The following CEMIP variants were observed in gnomAD, a reference collection of about 807,000 sequenced individuals.
CEMIP encodes the protein cell migration inducing hyaluronidase 1, also known as cell migration-inducing and hyaluronan-binding protein.
Under a neutral mutation model 156.9 loss-of-function variants are expected in CEMIP, and 105 were observed. That is an observed-to-expected ratio of 0.67 (90% CI 0.57 to 0.79). The LOEUF is 0.79. Ranked by LOEUF, CEMIP falls within the 30% of genes least tolerant of loss-of-function variation. The pLI is 0.00. For synonymous variants in CEMIP, 676 were observed against 668.4 expected (o/e 1.01, Z -0.17); for missense variants, 1,457 against 1,769.4 (o/e 0.82, Z 3.17).
intron 1 of CEMIP, among the ~76,000 whole-genome samples, chr15:80,829,059 T>C (rs1348831529): frequency 6.6e-6 from 1 of 152,210 alleles, no homozygotes; most frequent in African/African-American, 2.4e-5. Flanking sequence ...GGAGGCCACA[T>C]TTTGTGATCC....
At chr15:80,886,971 C>T (rs947636243) in intron 7 of CEMIP, among the ~76,000 whole-genome samples, 4 of 152,196 alleles carry the variant, frequency 2.6e-5, no homozygotes, top group Non-Finnish European at 1.5e-5. Flanking sequence ...TTCACAAATT[C>T]CTTGAGCTTG....
intron 1 of CEMIP, among the ~76,000 whole-genome samples, chr15:80,835,233 AT>A (rs999708901): frequency 1.3e-5 from 2 of 152,102 alleles, no homozygotes; most frequent in African/African-American, 4.8e-5. Context: ...TTTTGGCCCT[AT>A]GAAGCTACTC....
rs75348720 is a variant in CEMIP, at chr15:80,863,586, A to G, written c.-175-9952A>G. Among the ~76,000 whole-genome samples, 425 of 152,318 alleles carry G rather than the reference A, an allele frequency of 2.8e-3. 4 individuals carry two copies. Among genetic ancestry groups the G allele is most frequent in the African/African-American group, 9.7e-3 (404 of 41,570 alleles). ...AATTTAGGGCCAGGGAGAACCCTCT[A>G]GGGGAGGTAGAAATTATTTTATTTT... On this transcript the variant is annotated intron_variant, in intron 1 of 29. Coordinates refer to ENST00000394685, the MANE Select transcript of CEMIP (RefSeq NM_001293298.2).
chr15:80,932,118 T>C lies in CEMIP; in HGVS notation c.2793+79T>C, dbSNP rs1299476083. On this transcript the variant is annotated intron_variant, in intron 22 of 29. Coordinates refer to ENST00000394685, the MANE Select transcript of CEMIP (RefSeq NM_001293298.2). This position sits in a 1 kb window ranked among gnomAD's most constrained non-coding sequence, Gnocchi z 4.5. ...TCACAAGTCCCCTGGGTCCCAGAGT[T>C]TGAGCTATTGCCACCACCGCAGGGG... The C allele has an allele frequency of 3.9e-6, 6 of 1,525,920 alleles. No individual in the cohort carries two copies. Among genetic ancestry groups the C allele is most frequent in the Non-Finnish European group, 5.4e-6 (6 of 1,113,176 alleles). 94.5% of individuals were successfully genotyped at this position (1,525,920 alleles called of 1,614,324 possible). A position where few individuals can be genotyped will look rare whatever the true frequency, so the allele number is the denominator to read the frequency against.
intron 14 of CEMIP, among the ~76,000 whole-genome samples, chr15:80,918,299 AGACTT>A (rs1900349538): frequency 6.6e-6 from 1 of 152,118 alleles, no homozygotes. Flanking sequence ...GAAAAAAAAA[AGACTT>A]GAAGGAACTG....
chr15:80,857,407 G>A (rs1365290004), intron 1 of CEMIP, among the ~76,000 whole-genome samples: 1 of 152,176 alleles, frequency 6.6e-6, no homozygotes, highest in African/African-American at 2.4e-5. Flanking sequence ...AGCTCTTTGA[G>A]GAAATTTCAT....
intron 7 of CEMIP, among the ~76,000 whole-genome samples, chr15:80,886,672 A>C (rs998937269): frequency 1.3e-5 from 2 of 152,234 alleles, no homozygotes; most frequent in African/African-American, 4.8e-5. Context: ...TTTAAACGAC[A>C]TGGGAGCCTT....
chr15:80,948,624 T>G, intron 29 of CEMIP, 173 bp from the exon 30 acceptor site: 1 of 847,110 alleles, frequency 1.2e-6, no homozygotes, highest in Non-Finnish European at 1.9e-6. Flanking sequence ...TACAAACACA[T>G]GTCAGGCACC....
In CEMIP at chr15:80,902,586, T is replaced by C. The variant is rs147809388; in HGVS notation, c.1412-4077T>C. ...GGCCAGGTCTTGTAAAAGGTTCTGA[T>C]AGGAAGCTCTGCAGCCGGGAAGACG... On this transcript the variant is annotated intron_variant, in intron 12 of 29. Coordinates refer to ENST00000394685, the MANE Select transcript of CEMIP (RefSeq NM_001293298.2). Among the ~76,000 whole-genome samples, 77 of 152,256 alleles carry C rather than the reference T, an allele frequency of 5.1e-4. No homozygotes were observed. The East Asian group carries it at 0.012, about 24-fold the overall frequency.
In CEMIP at chr15:80,858,439, C is replaced by T. The variant is rs965993656; in HGVS notation, c.-175-15099C>T. ...TGGAAAGAATTAACCTTTGGCTGGG[C>T]TTGGTGGCTCACGCCTGTAATCCCA... On this transcript the variant is annotated intron_variant, in intron 1 of 29. Transcript: ENST00000394685. Among the ~76,000 whole-genome samples the T allele has an allele frequency of 3.3e-5, 5 of 152,004 alleles. No individual in the cohort carries two copies. In the East Asian group the frequency reaches 9.6e-4, roughly 29 times the overall value.
At chr15:80,821,172 T>C (rs1896899928) in intron 1 of CEMIP, among the ~76,000 whole-genome samples, 2 of 152,196 alleles carry the variant, frequency 1.3e-5, no homozygotes, top group African/African-American at 2.4e-5. Flanking sequence ...GCTGGCAGGA[T>C]GGCATTGTGA....
chr15:80,811,093 C>T (rs568356399), intron 1 of CEMIP, among the ~76,000 whole-genome samples: 1 of 152,288 alleles, frequency 6.6e-6, no homozygotes, highest in East Asian at 1.9e-4. Context: ...AAAGCCTCTT[C>T]CCCCAACCTA....
At chr15:80,933,805 G>T (rs1259239572) in intron 23 of CEMIP, among the ~76,000 whole-genome samples, 3 of 152,140 alleles carry the variant, frequency 2.0e-5, no homozygotes, top group African/African-American at 7.2e-5. Context: ...CTTTCCTAGC[G>T]AGATTTTGGG....
At chr15:80,855,740 C>G (rs1897837835) in intron 1 of CEMIP, among the ~76,000 whole-genome samples, 1 of 152,144 alleles carries the variant, frequency 6.6e-6, no homozygotes, top group East Asian at 1.9e-4. Context: ...CCAGGCTAGT[C>G]TCGAACTCCT....
rs576700887 is a variant in CEMIP, at chr15:80,951,283, G to C, written c.*2359G>C. On this transcript the variant is annotated 3_prime_UTR_variant, in exon 30 of 30. Transcript: ENST00000394685. ...AGATATCTATTTGAAAGTTCTCAGA[G>C]TTGTACATATGTTTCACAGTACAGG... 1.3e-5 allele frequency: 2 copies of C among 152,738 alleles called. No individual in the cohort carries two copies. The highest frequency in any genetic ancestry group is 4.1e-4 in the South Asian group (2 of 4,824). 9.5% of individuals were successfully genotyped at this position (152,738 alleles called of 1,614,324 possible).
At chr15:80,890,834 C>G (rs1899012310) in intron 10 of CEMIP, among the ~76,000 whole-genome samples, 3 of 152,148 alleles carry the variant, frequency 2.0e-5, no homozygotes, top group Admixed American at 2.0e-4. Flanking sequence ...AAGGGAGGAG[C>G]CTCTGTTCTG....
intron 1 of CEMIP, among the ~76,000 whole-genome samples, chr15:80,786,720 A>G (rs1895949632): frequency 6.6e-6 from 1 of 152,158 alleles, no homozygotes. Flanking sequence ...GAAGGGCTGT[A>G]TATGATAGGT....
At chr15:80,892,182 C>G (rs12594887) in intron 10 of CEMIP, among the ~76,000 whole-genome samples, 137,999 of 151,938 alleles carry the variant, frequency 0.91, 63,275 homozygotes, top group East Asian at 1. Flanking sequence ...TGGGTCCCGG[C>G]ATACCTGCCA....
chr15:80,862,427 A>G (rs1197728184), intron 1 of CEMIP, among the ~76,000 whole-genome samples: 3 of 152,334 alleles, frequency 2.0e-5, no homozygotes, highest in Middle Eastern at 3.4e-3. Flanking sequence ...CTGGAGGGAC[A>G]GTCGGGAGAG....
Sources: gnomAD v4.1 joint callset for allele counts (sites outside exome capture counted in the v4.1 genomes callset) on GRCh38, gnomAD v4.1.1 for gene constraint, Gnocchi (gnomAD v3.1) non-coding constraint, MANE v1.5 for transcripts, NCBI Gene and HGNC (gene_info 2026-07-23, HGNC 2026-07-21) for gene names.